Variants in NPAS2 observed in about 807,000 individuals in gnomAD.
NPAS2 encodes neuronal PAS domain protein 2.
In NPAS2, 23 loss-of-function variants were observed where a neutral mutation model predicts 107.5. The observed-to-expected ratio is 0.21, with a 90% CI of 0.15 to 0.30. The LOEUF is 0.30. Among genes scored for constraint, NPAS2 ranks in the 10% least tolerant of loss-of-function variants. NPAS2 has a pLI of 1.00. For synonymous variants in NPAS2, 403 were observed against 417.5 expected, an observed-to-expected ratio of 0.97 and a Z score of 0.42; for missense variants, 756 against 1,043.3, an observed-to-expected ratio of 0.72 and a Z score of 3.79.
At chr2:100,874,902 C>G (rs1679857205) in intron 1 of NPAS2, among the ~76,000 whole-genome samples, 1 of 152,182 alleles carries the variant, frequency 6.6e-6, no homozygotes, top group Admixed American at 6.5e-5. Context: ...AGGCCCCACA[C>G]CAAGGACCCA....
chr2:100,970,817 G>C (rs1230323119), intron 11 of NPAS2, 173 bp from the exon 12 acceptor site: 2 of 495,064 alleles, frequency 4.0e-6, no homozygotes, highest in Non-Finnish European at 7.2e-6. Flanking sequence ...ATTTAAGGCA[G>C]AGAACGACGC....
At chr2:100,978,733 C>T (rs1677201969) in intron 15 of NPAS2, among the ~76,000 whole-genome samples, 1 of 152,206 alleles carries the variant, frequency 6.6e-6, no homozygotes, top group Non-Finnish European at 1.5e-5. Context: ...GCCGCCGTGG[C>T]AGGGCATGCG....
chr2:100,907,876 G>A (rs560692656), intron 2 of NPAS2, among the ~76,000 whole-genome samples: 2 of 152,268 alleles, frequency 1.3e-5, no homozygotes, highest in South Asian at 2.1e-4. Flanking sequence ...CTTCAGGGAA[G>A]ACGCAAAAAT....
chr2:100,959,778 A>G (rs1675814096), intron 7 of NPAS2, among the ~76,000 whole-genome samples: 1 of 152,172 alleles, frequency 6.6e-6, no homozygotes, highest in Non-Finnish European at 1.5e-5. Flanking sequence ...CTTGTGGACT[A>G]TTAGTATGTT....
At chr2:100,851,465 G>A (rs973348070) in intron 1 of NPAS2, among the ~76,000 whole-genome samples, 3 of 152,140 alleles carry the variant, frequency 2.0e-5, no homozygotes, top group Non-Finnish European at 4.4e-5. Context: ...ATTCTGCTTC[G>A]GGGACTCCTC....
At chr2:100,991,583 G>T (rs1418015580) in intron 19 of NPAS2, among the ~76,000 whole-genome samples, 1 of 152,172 alleles carries the variant, frequency 6.6e-6, no homozygotes, top group Non-Finnish European at 1.5e-5. Flanking sequence ...GCACCCCCAG[G>T]CCCCTCTCCC....
chr2:100,900,520 A>T (rs1230328700), intron 1 of NPAS2, among the ~76,000 whole-genome samples: 1 of 152,206 alleles, frequency 6.6e-6, no homozygotes, highest in African/African-American at 2.4e-5. Flanking sequence ...TTTTTAATAA[A>T]GTAAGCATAC....
chr2:100,820,914 C>A lies in NPAS2; in HGVS notation c.-23+500C>A. The A allele has an allele frequency of 3.2e-6, 2 of 620,298 alleles. No individual in the cohort carries two copies. Among genetic ancestry groups the A allele is most frequent in the Non-Finnish European group, 4.9e-6 (2 of 407,264 alleles). The allele number at this position is 620,298 out of a possible 1,614,324, so 38.4% of individuals were successfully genotyped here. A position where few individuals can be genotyped will look rare whatever the true frequency, so the allele number is the denominator to read the frequency against. On this transcript the variant is annotated intron_variant, in intron 1 of 20. Transcript: ENST00000335681. The surrounding 1 kb of genome is among the most constrained non-coding windows in gnomAD (Gnocchi z 5.6). The stretch of plus-strand genomic sequence containing the variant: ...CCCTGGGTCGGAATTGGTTCCGGGC[C>A]GGATTGGGTGCGGAATCGGTGCCCC...
At chr2:100,889,960 CG>C (rs372288895) in intron 1 of NPAS2, among the ~76,000 whole-genome samples, 14 of 138,058 alleles carry the variant, frequency 1.0e-4, no homozygotes, top group African/African-American at 3.4e-4. Flanking sequence ...TGGGCATGTT[CG>C]GGGGCGGGGA....
At chr2:100,858,525 T>G (rs1449703871) in intron 1 of NPAS2, among the ~76,000 whole-genome samples, 1 of 152,166 alleles carries the variant, frequency 6.6e-6, no homozygotes, top group African/African-American at 2.4e-5. Context: ...TGTGTTCCCT[T>G]TCGTTATGGG....
At chr2:100,901,877 C>A (rs1226099276) in intron 1 of NPAS2, among the ~76,000 whole-genome samples, 1 of 152,074 alleles carries the variant, frequency 6.6e-6, no homozygotes, top group African/African-American at 2.4e-5. Context: ...CCTGTTGGGA[C>A]CCTGATTCAC....
At chr2:100,940,805 G>A (rs1451055666) in intron 5 of NPAS2, among the ~76,000 whole-genome samples, 2 of 152,298 alleles carry the variant, frequency 1.3e-5, no homozygotes, top group Middle Eastern at 3.4e-3. Flanking sequence ...AATCCTATAC[G>A]GGACACAGTA....
At chr2:100,932,253 C>T (rs1326351276) in intron 3 of NPAS2, among the ~76,000 whole-genome samples, 1 of 152,120 alleles carries the variant, frequency 6.6e-6, no homozygotes, top group Admixed American at 6.5e-5. Context: ...TTAAGGAGCC[C>T]CTTGTAGGCC....
intron 1 of NPAS2, among the ~76,000 whole-genome samples, chr2:100,879,642 C>G (rs1033192254): frequency 6.6e-6 from 1 of 152,068 alleles, no homozygotes; most frequent in African/African-American, 2.4e-5. Flanking sequence ...TCCTCCAGGC[C>G]CGACCATGTT....
At chr2:100,851,060 G>T (rs1174467105) in intron 1 of NPAS2, among the ~76,000 whole-genome samples, 1 of 150,476 alleles carries the variant, frequency 6.6e-6, no homozygotes, top group Non-Finnish European at 1.5e-5. Flanking sequence ...AGTCCCAAAG[G>T]ACAAACACTG....
At chr2:100,950,496 G>A (rs1208148088) in intron 7 of NPAS2, among the ~76,000 whole-genome samples, 2 of 152,012 alleles carry the variant, frequency 1.3e-5, no homozygotes, top group South Asian at 4.2e-4. Context: ...TTTGTCCCAG[G>A]GTTTCTATTA....
chr2:100,897,200 G>A (rs949629408), intron 1 of NPAS2, among the ~76,000 whole-genome samples: 2 of 152,108 alleles, frequency 1.3e-5, no homozygotes, highest in Non-Finnish European at 1.5e-5. Flanking sequence ...GTCCCTCCCA[G>A]GACACATGGG....
At chr2:100,975,035 G>T (rs777195720) in intron 13 of NPAS2, 91 bp downstream of exon 13, 42 of 1,419,266 alleles carry the variant, frequency 3.0e-5, no homozygotes, top group African/African-American at 4.3e-5. Context: ...GTGGAATCAG[G>T]GCAGTCTGTG....
At chr2:100,856,808 G>A (rs371451705) in intron 1 of NPAS2, among the ~76,000 whole-genome samples, 6 of 152,302 alleles carry the variant, frequency 3.9e-5, no homozygotes, top group African/African-American at 1.4e-4. Flanking sequence ...AACATGAAAA[G>A]AGAGAGGTGT....
Sources: allele counts gnomAD v4.1 joint callset (sites outside exome capture counted in the v4.1 genomes callset), GRCh38; gene constraint gnomAD v4.1.1; non-coding constraint Gnocchi (gnomAD v3.1); transcripts MANE v1.5; gene names NCBI Gene and HGNC (gene_info 2026-07-23, HGNC 2026-07-21).